The following CTBP1 variants were observed in gnomAD, a reference collection of about 807,000 sequenced individuals.
The protein encoded by CTBP1 is C-terminal binding protein 1, also known as C-terminal-binding protein 1.
CTBP1 carries 11 observed loss-of-function variants against 42.1 expected under a neutral mutation model. That is an observed-to-expected ratio of 0.26 (90% CI 0.16 to 0.43). The LOEUF (loss-of-function observed/expected upper bound fraction) is 0.43, where lower values mean the gene tolerates loss of function less well. CTBP1 is among the 20% of genes least tolerant of loss of function. The probability of loss-of-function intolerance (pLI) is 1.00; values close to 1 mark genes in which losing one functional copy is unlikely to be tolerated. For missense variants in CTBP1, 399 were observed against 624.3 expected (o/e 0.64, Z 3.85); for synonymous variants, 324 against 277.1 (o/e 1.17, Z -1.68).
At chr4:1,224,623 T>C (rs1355900898) in intron 5 of CTBP1, among the ~76,000 whole-genome samples, 4 of 150,508 alleles carry the variant, frequency 2.7e-5, no homozygotes, top group Non-Finnish European at 5.9e-5. Flanking sequence ...GGCCTGTATG[T>C]GTGCTGTGGT....
intron 1 of CTBP1, chr4:1,242,782 AC>A: frequency 1.0e-6 from 1 of 985,406 alleles, no homozygotes; most frequent in Non-Finnish European, 1.2e-6. Context: ...TCCCCATGGT[AC>A]CCGGATACCA....
intron 1 of CTBP1, chr4:1,244,633 G>A (rs1001761145): frequency 3.0e-6 from 3 of 985,062 alleles, no homozygotes; most frequent in Non-Finnish European, 3.6e-6. Context: ...CCCTAAAGCC[G>A]CTGCCCAGGA....
In CTBP1 at chr4:1,249,084, CGA is replaced by C. The variant is rs1346473995; in HGVS notation, c.-359_-358del. Reference sequence around the variant, plus strand: ...CGCCTGCGCCTGGCCGCCGCCGTGCCGAGTCTCCGCCGCGCCGCTGAGCCGCG... The same window carrying C: ...CGCCTGCGCCTGGCCGCCGCCGTGCCGTCTCCGCCGCGCCGCTGAGCCGCG... On this transcript the variant is annotated 5_prime_UTR_variant, in exon 1 of 10. Transcript: ENST00000382952. 1 of 281,534 alleles carries C rather than the reference CGA, an allele frequency of 3.6e-6. No individual in the cohort carries two copies. The highest frequency in any genetic ancestry group is 5.3e-6 in the Non-Finnish European group (1 of 189,896). 17.4% of individuals were successfully genotyped at this position (281,534 alleles called of 1,614,324 possible). A position where few individuals can be genotyped will look rare whatever the true frequency, so the allele number is the denominator to read the frequency against.
intron 1 of CTBP1, 136 bp downstream of exon 1, chr4:1,248,780 C>T: frequency 1.0e-6 from 1 of 953,508 alleles, no homozygotes; most frequent in Non-Finnish European, 1.2e-6. Context: ...CGGACGCCGG[C>T]GCGCACGCGC....
At chr4:1,219,380 A>T (rs1048964148) in intron 5 of CTBP1, among the ~76,000 whole-genome samples, 4 of 152,158 alleles carry the variant, frequency 2.6e-5, no homozygotes, top group Admixed American at 6.5e-5. Context: ...AACAGAGATA[A>T]GCTAAAATTA....
chr4:1,239,719 G>A (rs1731958443), intron 2 of CTBP1, among the ~76,000 whole-genome samples: 1 of 152,246 alleles, frequency 6.6e-6, no homozygotes, highest in Non-Finnish European at 1.5e-5. Context: ...GTACGGCTGG[G>A]CCCATGCCCC....
chr4:1,221,745 G>A (rs912630346), intron 5 of CTBP1: 4 of 396,496 alleles, frequency 1.0e-5, no homozygotes, highest in African/African-American at 8.5e-5. Context: ...ACGGGAGAAG[G>A]GGGCCCGAGG....
At chr4:1,226,660 G>A (rs547157560) in intron 4 of CTBP1, among the ~76,000 whole-genome samples, 2 of 151,258 alleles carry the variant, frequency 1.3e-5, no homozygotes, top group Admixed American at 6.6e-5. Flanking sequence ...GAAACTCCAC[G>A]GGTAACAGAG....
intron 2 of CTBP1, among the ~76,000 whole-genome samples, chr4:1,240,110 G>A (rs1048737463): frequency 6.6e-6 from 1 of 152,266 alleles, no homozygotes; most frequent in Non-Finnish European, 1.5e-5. Flanking sequence ...CCGCTCGGCT[G>A]CGTCAGAACC....
intron 1 of CTBP1, chr4:1,244,297 G>T (rs1406801116): frequency 2.0e-6 from 2 of 984,278 alleles, no homozygotes; most frequent in African/African-American, 1.8e-5. Flanking sequence ...CACACTGGGG[G>T]TCACCATGGG....
rs777658399 is a variant in CTBP1, at chr4:1,213,046, G to A, written c.989-16C>T. 3.9e-5 allele frequency: 63 copies of A among 1,610,616 alleles called. No individual in the cohort carries two copies. The highest frequency in any genetic ancestry group is 5.2e-5 in the Non-Finnish European group (61 of 1,177,642). ...GGGATCCGGCCTGGGAGATGCAGGA[G>A]GAAGGAACAGCTGTGGCTCTGAGGG... On this transcript the variant is annotated splice_polypyrimidine_tract_variant and intron_variant, in intron 8 of 9. Coordinates refer to ENST00000382952, the MANE Select transcript of CTBP1 (RefSeq NM_001012614.2).
At position 1,238,320 on chromosome 4, in the gene CTBP1, T is replaced by G; in HGVS notation, c.25A>C (p.Met9Leu). MSGVRPPI[M>L]NGPLHPRPLV... ...GGCCGCGGGTGCAGGGGCCCGTTCA[T>G]GATCGGAGGTCGGACGCCTGCAAGA... The change falls in exon 3 of 10, where the codon ATG (methionine) becomes CTG (leucine). Residue 9 changes from methionine to leucine, a missense_variant. By Grantham distance (15) the Met-to-Leu change is conservative. Around this residue, in one of 4 missense-constraint regions of CTBP1, gnomAD observed 17 missense variants for 18.7 expected, o/e 0.91. Transcript: ENST00000382952. This position sits in a 1 kb window ranked among gnomAD's most constrained non-coding sequence, Gnocchi z 5.9. 6.3e-7 allele frequency: 1 copy of G among 1,578,036 alleles called. No homozygotes were observed. The highest frequency in any genetic ancestry group is 8.6e-7 in the Non-Finnish European group (1 of 1,157,812).
Position 1,213,621 on chromosome 4 carries a change from G to A in CTBP1, c.861-16C>T. 1.2e-6 allele frequency: 2 copies of A among 1,611,624 alleles called. No individual in the cohort carries two copies. The highest frequency in any genetic ancestry group is 1.7e-6 in the Non-Finnish European group (2 of 1,179,508). ...CTGGCTAAAGCTGGGAACAGCACAGGCATGGTCAGTGCAGCCTGAGTGCTG... is the reference window on the plus strand; with the variant it reads ...CTGGCTAAAGCTGGGAACAGCACAGACATGGTCAGTGCAGCCTGAGTGCTG... On this transcript the variant is annotated splice_polypyrimidine_tract_variant and intron_variant, in intron 7 of 9. Coordinates refer to ENST00000382952, the MANE Select transcript of CTBP1 (RefSeq NM_001012614.2).
intron 6 of CTBP1, 67 bp downstream of exon 6, chr4:1,215,924 C>T: frequency 6.6e-7 from 1 of 1,504,856 alleles, no homozygotes; most frequent in South Asian, 1.2e-5. Flanking sequence ...CTGGGAGGGA[C>T]CTGCCTGACA....
At chr4:1,243,315 G>A (rs1054264384) in intron 1 of CTBP1, 2 of 985,418 alleles carry the variant, frequency 2.0e-6, no homozygotes, top group South Asian at 4.7e-5. Flanking sequence ...ACCCTGCAGT[G>A]AGGAGGCCGT....
At chr4:1,225,707 C>T in intron 4 of CTBP1, 141 bp from the exon 5 acceptor site, 1 of 856,210 alleles carries the variant, frequency 1.2e-6, no homozygotes, top group Non-Finnish European at 1.8e-6. Context: ...CCCCGGGAGG[C>T]CACGAGATGA....
Position 1,238,467 on chromosome 4 carries a change from A to T in CTBP1, c.8-130T>A, listed in dbSNP as rs1382129699. The T allele has an allele frequency of 3.6e-6, 4 of 1,112,074 alleles. No individual in the cohort carries two copies. The African/African-American group carries it at 6.3e-5, about 17-fold the overall frequency. 68.9% of individuals were successfully genotyped at this position (1,112,074 alleles called of 1,614,324 possible). On this transcript the variant is annotated intron_variant, in intron 2 of 9. Coordinates refer to ENST00000382952, the MANE Select transcript of CTBP1 (RefSeq NM_001012614.2). The surrounding 1 kb of genome is among the most constrained non-coding windows in gnomAD (Gnocchi z 5.9). ...GGGGTTTTCTGGTCTATATGTTGTGATATTTGTAAAAAGTAAATTAAAAAT... is the reference window on the plus strand; with the variant it reads ...GGGGTTTTCTGGTCTATATGTTGTGTTATTTGTAAAAAGTAAATTAAAAAT...
intron 5 of CTBP1, among the ~76,000 whole-genome samples, chr4:1,223,770 C>G (rs1577036072): frequency 1.3e-5 from 2 of 152,272 alleles, no homozygotes; most frequent in Middle Eastern, 6.8e-3. Context: ...TCTCCCAGCT[C>G]TACTTTCCCT....
At chr4:1,229,061 C>T (rs186227668) in intron 3 of CTBP1, among the ~76,000 whole-genome samples, 73 of 152,346 alleles carry the variant, frequency 4.8e-4, no homozygotes, top group Non-Finnish European at 8.8e-4. Context: ...ACCTGGCACA[C>T]AGCACAGCAG....
Sources: gnomAD v4.1 joint callset for allele counts (sites outside exome capture counted in the v4.1 genomes callset) on GRCh38, gnomAD v4.1.1 for gene constraint, gnomAD v4.1.1 regional missense constraint, Gnocchi (gnomAD v3.1) non-coding constraint, MANE v1.5 for transcripts, NCBI Gene and HGNC (gene_info 2026-07-23, HGNC 2026-07-21) for gene names.